Variants in SPAG16 observed in about 807,000 individuals in gnomAD.
The protein encoded by SPAG16 is sperm associated antigen 16, also known as sperm-associated antigen 16 protein.
Under a neutral mutation model 80.4 loss-of-function variants are expected in SPAG16, and 86 were observed. The ratio of observed to expected loss-of-function variants is 1.07; its 90% CI spans 0.90 to 1.28. SPAG16 has a LOEUF of 1.28. Among genes scored for constraint, SPAG16 ranks in the 50% most tolerant of loss-of-function variants. The pLI, the probability that SPAG16 is intolerant of heterozygous loss-of-function variation, is 0.00. For synonymous variants in SPAG16, 294 were observed against 265.9 expected, an observed-to-expected ratio of 1.11 and a Z score of -1.03; for missense variants, 870 against 765.3, an observed-to-expected ratio of 1.14 and a Z score of -1.61.
chr2:213,637,892 G>T (rs1306203533), intron 10 of SPAG16, among the ~76,000 whole-genome samples: 4 of 152,146 alleles, frequency 2.6e-5, no homozygotes, highest in Non-Finnish European at 5.9e-5. Flanking sequence ...GAGTAGCTGG[G>T]ACTACAGGCA....
intron 10 of SPAG16, among the ~76,000 whole-genome samples, chr2:213,823,312 C>T (rs893750745): frequency 3.3e-5 from 5 of 152,086 alleles, no homozygotes; most frequent in African/African-American, 1.2e-4. Context: ...ATTTGCATTT[C>T]TCTGATGATC....
chr2:214,014,012 C>T lies in SPAG16; in HGVS notation c.1462C>T (p.Pro488Ser), dbSNP rs1384643936. The change falls in exon 13 of 16, where the codon CCT becomes TCT. Residue 488 changes from proline (P) to serine (S), a missense_variant. By Grantham distance (74) the Pro-to-Ser change is moderately conservative. Coordinates refer to ENST00000331683, the MANE Select transcript of SPAG16 (RefSeq NM_024532.5). ...TDSVNSIEFF[P>S]FSNTLLTSSA... ...TTCTGTGAACAGCATTGAGTTTTTT[C>T]CTTTCTCCAATACTCTTCTCACAAG... 2.5e-6 allele frequency: 4 copies of T among 1,613,522 alleles called. No homozygotes were observed. Among genetic ancestry groups the T allele is most frequent in the Non-Finnish European group, 1.7e-6 (2 of 1,179,738 alleles).
intron 9 of SPAG16, among the ~76,000 whole-genome samples, chr2:213,467,309 T>C (rs1353972259): frequency 1.3e-5 from 2 of 152,174 alleles, no homozygotes; most frequent in Non-Finnish European, 2.9e-5. Flanking sequence ...CAATTTTCCC[T>C]TGAGCTGCCA....
At chr2:214,100,840 C>T (rs1464344125) in intron 13 of SPAG16, among the ~76,000 whole-genome samples, 2 of 151,892 alleles carry the variant, frequency 1.3e-5, no homozygotes, top group Non-Finnish European at 2.9e-5. Flanking sequence ...ATTAATAGTG[C>T]TGCAGTGAAC....
chr2:213,555,793 A>G (rs1016553993), intron 10 of SPAG16, among the ~76,000 whole-genome samples: 6 of 152,206 alleles, frequency 3.9e-5, no homozygotes, highest in African/African-American at 1.4e-4. Context: ...GTAAACAATC[A>G]AATTCAGAAT....
At chr2:213,977,974 T>G (rs1163998196) in intron 12 of SPAG16, among the ~76,000 whole-genome samples, 1 of 125,776 alleles carries the variant, frequency 8.0e-6, no homozygotes, top group African/African-American at 3.0e-5. Context: ...TCTTGGAATC[T>G]CTCTCTACTT....
At chr2:213,882,935 C>T (rs979773891) in intron 11 of SPAG16, among the ~76,000 whole-genome samples, 8 of 152,246 alleles carry the variant, frequency 5.3e-5, no homozygotes, top group Admixed American at 2.6e-4. Flanking sequence ...TGCAGTGGCG[C>T]GATCTCGGCT....
chr2:214,044,375 A>G, intron 13 of SPAG16, among the ~76,000 whole-genome samples: 1 of 152,210 alleles, frequency 6.6e-6, no homozygotes, highest in African/African-American at 2.4e-5. Context: ...CTCCCAATCA[A>G]CAGAGTTGCT....
chr2:213,855,478 A>C (rs2075110728), intron 10 of SPAG16, among the ~76,000 whole-genome samples: 1 of 152,250 alleles, frequency 6.6e-6, no homozygotes, highest in Admixed American at 6.5e-5. Flanking sequence ...GGAGAACAGG[A>C]ATATCTCATT....
chr2:213,861,490 C>A (rs2075458988), intron 10 of SPAG16, among the ~76,000 whole-genome samples: 2 of 152,120 alleles, frequency 1.3e-5, no homozygotes, highest in African/African-American at 4.8e-5. Flanking sequence ...TTTTTTAAAT[C>A]ATCATATGTC....
intron 15 of SPAG16, among the ~76,000 whole-genome samples, chr2:214,242,866 A>T (rs976500505): frequency 1.3e-5 from 2 of 152,096 alleles, no homozygotes; most frequent in Non-Finnish European, 2.9e-5. Flanking sequence ...ATTAACTATC[A>T]CTTGGGTAGC....
intron 15 of SPAG16, among the ~76,000 whole-genome samples, chr2:214,356,000 C>T (rs928276086): frequency 8.3e-6 from 1 of 120,678 alleles, no homozygotes; most frequent in Non-Finnish European, 1.6e-5. Context: ...GGAAGGGGAA[C>T]ATTACACTCT....
At chr2:213,664,570 T>G (rs1559355939) in intron 10 of SPAG16, among the ~76,000 whole-genome samples, 1 of 152,036 alleles carries the variant, frequency 6.6e-6, no homozygotes, top group East Asian at 1.9e-4. Flanking sequence ...TCTTTGAAAG[T>G]GTCATGTTTT....
chr2:214,231,750 T>C (rs1034580040), intron 15 of SPAG16, among the ~76,000 whole-genome samples: 3 of 152,088 alleles, frequency 2.0e-5, no homozygotes, highest in Non-Finnish European at 2.9e-5. Flanking sequence ...CTTAAATTCA[T>C]TGCCAGTTTT....
Position 214,147,853 on chromosome 2 carries a change from A to G in SPAG16, c.1594-1287A>G, listed in dbSNP as rs184402247. Reference sequence around the variant, plus strand: ...TTACTGGTGTGTTTAGAGAAAAACAATGAGTCCACTTGAACTGTAATACAG... The same window carrying G: ...TTACTGGTGTGTTTAGAGAAAAACAGTGAGTCCACTTGAACTGTAATACAG... On this transcript the variant is annotated intron_variant, in intron 14 of 15. Coordinates refer to ENST00000331683, the MANE Select transcript of SPAG16 (RefSeq NM_024532.5). Among the ~76,000 whole-genome samples the G allele has an allele frequency of 7.2e-5, 11 of 152,326 alleles. No homozygotes were observed. In the East Asian group the frequency reaches 1.7e-3, roughly 24 times the overall value.
intron 14 of SPAG16, among the ~76,000 whole-genome samples, chr2:214,131,388 AAAATC>A (rs2054767880): frequency 6.6e-6 from 1 of 152,026 alleles, no homozygotes; most frequent in South Asian, 2.1e-4. Flanking sequence ...AAAAAAAAAA[AAAATC>A]AAACTCTATC....
At chr2:214,136,253 G>A (rs922806688) in intron 14 of SPAG16, among the ~76,000 whole-genome samples, 138 of 152,228 alleles carry the variant, frequency 9.1e-4, no homozygotes, top group African/African-American at 3.2e-3. Context: ...ATTTCAACAT[G>A]AGACTTAGTG....
At chr2:213,721,622 A>G (rs2066539512) in intron 10 of SPAG16, among the ~76,000 whole-genome samples, 28 of 152,252 alleles carry the variant, frequency 1.8e-4, no homozygotes, top group Admixed American at 1.8e-3. Flanking sequence ...AATTACTAAT[A>G]TACTGACTTA....
At chr2:214,088,103 A>T (rs2051905660) in intron 13 of SPAG16, among the ~76,000 whole-genome samples, 2 of 152,142 alleles carry the variant, frequency 1.3e-5, no homozygotes, top group African/African-American at 4.8e-5. Context: ...ATCTGATACA[A>T]CAGCAAAGGA....
Sources: allele counts gnomAD v4.1 joint callset (sites outside exome capture counted in the v4.1 genomes callset), GRCh38; gene constraint gnomAD v4.1.1; transcripts MANE v1.5; gene names NCBI Gene and HGNC (gene_info 2026-07-23, HGNC 2026-07-21).